Variants in ADAMTSL3 observed in about 807,000 individuals in gnomAD.
ADAMTSL3 encodes the protein ADAMTS-like protein 3.
In ADAMTSL3, 128 loss-of-function variants were observed where a neutral mutation model predicts 201.7. The observed-to-expected ratio is 0.63, with a 90% CI of 0.55 to 0.73. The LOEUF (loss-of-function observed/expected upper bound fraction) is 0.73, where lower values mean the gene tolerates loss of function less well. Among genes scored for constraint, ADAMTSL3 ranks in the 30% least tolerant of loss-of-function variants. ADAMTSL3 has a pLI of 0.00. For synonymous variants in ADAMTSL3, 738 were observed against 748.4 expected (o/e 0.99, Z 0.23); for missense variants, 1,990 against 2,119.6 (o/e 0.94, Z 1.20).
chr15:83,706,961 G>A (rs559544249), intron 3 of ADAMTSL3, among the ~76,000 whole-genome samples: 2 of 152,142 alleles, frequency 1.3e-5, no homozygotes, highest in Admixed American at 6.5e-5. Context: ...GAGCCACTGC[G>A]CCTGGCCAAT....
chr15:83,802,114 T>C (rs1212866346), intron 4 of ADAMTSL3, among the ~76,000 whole-genome samples: 2 of 152,150 alleles, frequency 1.3e-5, no homozygotes, highest in Admixed American at 1.3e-4. Context: ...GCATTGCCTT[T>C]CCTGTATGAA....
chr15:83,827,520 A>T (rs539845745), intron 6 of ADAMTSL3, among the ~76,000 whole-genome samples: 1 of 152,102 alleles, frequency 6.6e-6, no homozygotes, highest in African/African-American at 2.4e-5. Context: ...GTTTAGTTAG[A>T]TCCCATTTGT....
At chr15:83,827,477 T>C (rs1239587598) in intron 6 of ADAMTSL3, among the ~76,000 whole-genome samples, 1 of 152,224 alleles carries the variant, frequency 6.6e-6, no homozygotes, top group Non-Finnish European at 1.5e-5. Flanking sequence ...TTCACTCTGA[T>C]GGTAGTTTCT....
intron 25 of ADAMTSL3, 25 bp downstream of exon 25, chr15:84,016,524 TTTGC>T: frequency 6.3e-7 from 1 of 1,582,334 alleles, no homozygotes; most frequent in Non-Finnish European, 8.7e-7. Flanking sequence ...CCTTTTCAGA[TTTGC>T]TATGTGTGAG....
At position 83,740,116 on chromosome 15, in the gene ADAMTSL3, G is replaced by C. The variant is rs1596119383; in HGVS notation, c.190-33407G>C. ...GTGCCGGTGGCCACTTACACCATTGGCAAGGAGATCATTGACCTCGTCTTG... is the reference window on the plus strand; with the variant it reads ...GTGCCGGTGGCCACTTACACCATTGCCAAGGAGATCATTGACCTCGTCTTG... On this transcript the variant is annotated intron_variant, in intron 3 of 29. Coordinates refer to ENST00000286744, the MANE Select transcript of ADAMTSL3 (RefSeq NM_207517.3). The C allele has an allele frequency of 1.4e-5, 4 of 285,088 alleles. No individual in the cohort carries two copies. The East Asian group carries it at 3.0e-4, about 21-fold the overall frequency. The allele number at this position is 285,088 out of a possible 1,614,324, so 17.7% of individuals were successfully genotyped here. A position where few individuals can be genotyped will look rare whatever the true frequency, so the allele number is the denominator to read the frequency against.
rs543816547 is a variant in ADAMTSL3, at chr15:83,701,508, A to G, written c.70-2881A>G. On this transcript the variant is annotated intron_variant, in intron 2 of 29. Transcript: ENST00000286744. ...GATTCTGTGTCCCCACCCAAATCTC[A>G]TCTTCAATTGTGCTCTCATAATTCC... is the stretch of plus-strand genomic sequence containing the variant. 2.6e-5 allele frequency among the ~76,000 whole-genome samples: 4 copies of G among 152,194 alleles called. No homozygotes were observed. The East Asian group carries it at 5.8e-4, about 22-fold the overall frequency.
chr15:84,017,368 T>C (rs778583381), intron 25 of ADAMTSL3, among the ~76,000 whole-genome samples: 17 of 152,150 alleles, frequency 1.1e-4, no homozygotes, highest in Non-Finnish European at 2.2e-4. Context: ...CCGCCCACCT[T>C]GGCCTCCCAA....
intron 17 of ADAMTSL3, among the ~76,000 whole-genome samples, chr15:83,930,316 A>C (rs1307777528): frequency 1.3e-5 from 2 of 152,196 alleles, no homozygotes; most frequent in Admixed American, 6.5e-5. Context: ...CCTTATGTCC[A>C]TACCTGAGTA....
At chr15:83,856,717 G>A (rs547367043) in intron 7 of ADAMTSL3, among the ~76,000 whole-genome samples, 1 of 152,296 alleles carries the variant, frequency 6.6e-6, no homozygotes, top group South Asian at 2.1e-4. Flanking sequence ...TCCATAGACA[G>A]ATACTTAGGT....
At chr15:83,767,856 C>T (rs536860137) in intron 3 of ADAMTSL3, among the ~76,000 whole-genome samples, 6 of 152,302 alleles carry the variant, frequency 3.9e-5, no homozygotes, top group South Asian at 4.1e-4. Context: ...GCATTATGGT[C>T]GGCTTACTAG....
rs146074595 is a variant in ADAMTSL3, at chr15:84,037,818, G to C, written c.*12G>C. The C allele has an allele frequency of 1.5e-4, 234 of 1,602,476 alleles. No homozygotes were observed. The highest frequency in any genetic ancestry group is 2.0e-4 in the Non-Finnish European group (230 of 1,177,372). On this transcript the variant is annotated 3_prime_UTR_variant, in exon 30 of 30. Coordinates refer to ENST00000286744, the MANE Select transcript of ADAMTSL3 (RefSeq NM_207517.3). Reference sequence around the variant, plus strand: ...GTCAAGAGGGATAAACCTTTGGAGGGGTCATGATGCTGCTGTGAAGATAAA... The same window carrying C: ...GTCAAGAGGGATAAACCTTTGGAGGCGTCATGATGCTGCTGTGAAGATAAA...
intron 22 of ADAMTSL3, among the ~76,000 whole-genome samples, chr15:83,990,760 CCT>C (rs2067567894): frequency 6.6e-6 from 1 of 152,082 alleles, no homozygotes; most frequent in Non-Finnish European, 1.5e-5. Context: ...CTTCTGAATT[CCT>C]TTTTTTTTCA....
chr15:83,930,271 T>C (rs937662995), intron 17 of ADAMTSL3, among the ~76,000 whole-genome samples: 1 of 152,130 alleles, frequency 6.6e-6, no homozygotes, highest in Non-Finnish European at 1.5e-5. Context: ...TTTTCACTCA[T>C]GTCTTCAAAT....
intron 2 of ADAMTSL3, among the ~76,000 whole-genome samples, chr15:83,666,816 C>T (rs975488035): frequency 1.3e-5 from 2 of 150,614 alleles, no homozygotes; most frequent in African/African-American, 4.9e-5. Context: ...GCACTCCAGC[C>T]TGGGTGACAG....
chr15:83,979,958 T>A lies in ADAMTSL3; in HGVS notation c.2645-2315T>A, dbSNP rs1353393838. On this transcript the variant is annotated intron_variant, in intron 20 of 29. Coordinates refer to ENST00000286744, the MANE Select transcript of ADAMTSL3 (RefSeq NM_207517.3). ...TGCACATTTCAGTCAACTGGGGAAC[T>A]TTAAAAAATTCTGATGTCCTGGCTG... Among the ~76,000 whole-genome samples, 4 of 152,202 alleles carry A rather than the reference T, an allele frequency of 2.6e-5. No homozygotes were observed. The East Asian group carries it at 7.7e-4, about 29-fold the overall frequency.
intron 2 of ADAMTSL3, among the ~76,000 whole-genome samples, chr15:83,674,783 AT>A (rs1169774400): frequency 4.8e-5 from 7 of 144,674 alleles, no homozygotes; most frequent in African/African-American, 1.5e-4. Flanking sequence ...ATATATATAT[AT>A]ATATAAATCT....
At chr15:84,027,146 T>C (rs1242631018) in intron 27 of ADAMTSL3, among the ~76,000 whole-genome samples, 1 of 152,194 alleles carries the variant, frequency 6.6e-6, no homozygotes, top group African/African-American at 2.4e-5. Context: ...TTTCCATTAG[T>C]CATTAAAAAA....
chr15:83,916,373 A>G (rs1368297270), intron 16 of ADAMTSL3, among the ~76,000 whole-genome samples: 1 of 152,176 alleles, frequency 6.6e-6, no homozygotes, highest in Non-Finnish European at 1.5e-5. Context: ...CCCAAATTTT[A>G]TAGTTGAGGA....
chr15:83,962,893 C>T (rs1258822180), intron 19 of ADAMTSL3, among the ~76,000 whole-genome samples: 1 of 152,192 alleles, frequency 6.6e-6, no homozygotes, highest in Non-Finnish European at 1.5e-5. Context: ...GGGGTGTCTC[C>T]TTACCTGGGA....
Sources: allele counts gnomAD v4.1 joint callset (sites outside exome capture counted in the v4.1 genomes callset), GRCh38; gene constraint gnomAD v4.1.1; transcripts MANE v1.5; gene names NCBI Gene and HGNC (gene_info 2026-07-23, HGNC 2026-07-21).